Variants in ZHX2 observed in about 807,000 individuals in gnomAD.
The protein encoded by ZHX2 is zinc fingers and homeoboxes 2, also known as zinc fingers and homeoboxes protein 2.
In ZHX2, 6 loss-of-function variants were observed where a neutral mutation model predicts 21.9. The observed-to-expected ratio is 0.27, with a 90% CI of 0.15 to 0.54. ZHX2 has a LOEUF of 0.54. Ranked by LOEUF, ZHX2 falls within the 20% of genes least tolerant of loss-of-function variation. The pLI, the probability that ZHX2 is intolerant of heterozygous loss-of-function variation, is 0.95. For missense variants in ZHX2, 908 were observed against 1,090.7 expected (o/e 0.83, Z 2.36); for synonymous variants, 434 against 437.1 (o/e 0.99, Z 0.09).
chr8:122,827,801 A>G (rs1586591236), intron 1 of ZHX2, among the ~76,000 whole-genome samples: 1 of 152,354 alleles, frequency 6.6e-6, no homozygotes, highest in East Asian at 1.9e-4. Context: ...ACCTAATATT[A>G]AATACAGAGA....
chr8:122,941,867 C>A (rs1812853044), intron 2 of ZHX2, among the ~76,000 whole-genome samples: 1 of 152,164 alleles, frequency 6.6e-6, no homozygotes, highest in Admixed American at 6.5e-5. Context: ...TGTAGTAACT[C>A]TGGACTGAGG....
rs145671490 is a variant in ZHX2, at chr8:122,819,273, T to C, written c.-283+37327T>C. 8.7e-4 allele frequency among the ~76,000 whole-genome samples: 132 copies of C among 152,290 alleles called. 1 individual carries two copies. Among genetic ancestry groups the C allele is most frequent in the African/African-American group, 3.1e-3 (130 of 41,554 alleles). On this transcript the variant is annotated intron_variant, in intron 1 of 3. Coordinates refer to ENST00000314393, the MANE Select transcript of ZHX2 (RefSeq NM_014943.5). ...CACCTTGAGCAGGCTGCCTGACCAC[T>C]CTGCACCTCTGTTTCCTCACCTACA...
At chr8:122,901,149 G>A (rs560722964) in intron 2 of ZHX2, among the ~76,000 whole-genome samples, 162 of 152,246 alleles carry the variant, frequency 1.1e-3, no homozygotes, top group African/African-American at 2.3e-3. Context: ...CGTGGTATTT[G>A]TCTAGAGCGC....
chr8:122,851,442 G>A (rs1818898032), intron 1 of ZHX2, among the ~76,000 whole-genome samples: 1 of 152,102 alleles, frequency 6.6e-6, no homozygotes, highest in Admixed American at 6.5e-5. Flanking sequence ...CCCCCTGCAG[G>A]AGGCCCTTCC....
rs1179321018 is a variant in ZHX2, at chr8:122,806,165, C to T, written c.-283+24219C>T. On this transcript the variant is annotated intron_variant, in intron 1 of 3. Coordinates refer to ENST00000314393, the MANE Select transcript of ZHX2 (RefSeq NM_014943.5). ...AAATCAAGGATGAATGAGTCACTTT[C>T]GATGGCATTAAAGTAAGGCCTGGGA... 2.0e-5 allele frequency among the ~76,000 whole-genome samples: 3 copies of T among 152,152 alleles called. No homozygotes were observed. The East Asian group carries it at 5.8e-4, about 29-fold the overall frequency.
intron 1 of ZHX2, among the ~76,000 whole-genome samples, chr8:122,817,696 A>G (rs1049716502): frequency 2.0e-5 from 3 of 152,350 alleles, no homozygotes; most frequent in East Asian, 3.9e-4. Flanking sequence ...GCCAGAAGTG[A>G]ACTGTGTGGC....
chr8:122,919,625 C>T (rs1303279374), intron 2 of ZHX2, among the ~76,000 whole-genome samples: 2 of 152,148 alleles, frequency 1.3e-5, no homozygotes, highest in Non-Finnish European at 2.9e-5. Flanking sequence ...GCTGTATCTG[C>T]AAATGTATAA....
At chr8:122,924,068 A>T (rs1249043998) in intron 2 of ZHX2, among the ~76,000 whole-genome samples, 1 of 152,192 alleles carries the variant, frequency 6.6e-6, no homozygotes, top group Non-Finnish European at 1.5e-5. Context: ...GGAAAGAAAG[A>T]TTCCTGCTTT....
rs1817299659 is a variant in ZHX2, at chr8:122,782,115, G to T, written c.-283+169G>T. Among the ~76,000 whole-genome samples, 1 of 133,916 alleles carries T rather than the reference G, an allele frequency of 7.5e-6. No individual in the cohort carries two copies. The highest frequency in any genetic ancestry group is 1.7e-5 in the Non-Finnish European group (1 of 60,094). The allele number at this position is 133,916 out of a possible 152,430, so 87.9% of individuals were successfully genotyped here. ...CTTGGCCGGGTTTGTGATTGGAAGGGGGGTACGGAAGGGGGGGGGTGTGCA... is the reference window on the plus strand; with the variant it reads ...CTTGGCCGGGTTTGTGATTGGAAGGTGGGTACGGAAGGGGGGGGGTGTGCA... On this transcript the variant is annotated intron_variant, in intron 1 of 3. Transcript: ENST00000314393. This position sits in a 1 kb window ranked among gnomAD's most constrained non-coding sequence, Gnocchi z 5.3.
chr8:122,858,022 A>G (rs542328998), intron 1 of ZHX2, among the ~76,000 whole-genome samples: 18 of 152,158 alleles, frequency 1.2e-4, no homozygotes, highest in Admixed American at 2.0e-4. Flanking sequence ...AAGGTGAAAT[A>G]TTGCCTGGAA....
At chr8:122,938,658 G>A (rs528406187) in intron 2 of ZHX2, among the ~76,000 whole-genome samples, 13 of 151,970 alleles carry the variant, frequency 8.6e-5, no homozygotes, top group African/African-American at 2.7e-4. Context: ...GCAACATGGT[G>A]AAACACTGTC....
chr8:122,800,510 A>C (rs1414322920), intron 1 of ZHX2, among the ~76,000 whole-genome samples: 2 of 152,220 alleles, frequency 1.3e-5, no homozygotes, highest in African/African-American at 4.8e-5. Flanking sequence ...CCTTGTGCAG[A>C]GTAGGTGCTC....
intron 2 of ZHX2, among the ~76,000 whole-genome samples, chr8:122,867,929 T>TTCAGAGGC (rs1430651272): frequency 6.6e-6 from 1 of 152,208 alleles, no homozygotes; most frequent in Non-Finnish European, 1.5e-5. Flanking sequence ...CTGTTAGTTT[T>TTCAGAGGC]TCAGAGGCTC....
intron 1 of ZHX2, among the ~76,000 whole-genome samples, chr8:122,859,288 T>C (rs1317277387): frequency 6.6e-6 from 1 of 152,226 alleles, no homozygotes; most frequent in African/African-American, 2.4e-5. Flanking sequence ...GTCCCAGCTC[T>C]GAGAATAATT....
chr8:122,830,580 T>C (rs1279621318), intron 1 of ZHX2, among the ~76,000 whole-genome samples: 1 of 152,174 alleles, frequency 6.6e-6, no homozygotes, highest in Non-Finnish European at 1.5e-5. Flanking sequence ...GGGTTGGTAT[T>C]CACCATGTCG....
At chr8:122,814,746 G>A (rs1280684632) in intron 1 of ZHX2, among the ~76,000 whole-genome samples, 1 of 152,208 alleles carries the variant, frequency 6.6e-6, no homozygotes, top group Non-Finnish European at 1.5e-5. Context: ...CAATTCTCCT[G>A]ACACAGCTAT....
At chr8:122,826,643 G>A (rs1167359414) in intron 1 of ZHX2, among the ~76,000 whole-genome samples, 1 of 152,216 alleles carries the variant, frequency 6.6e-6, no homozygotes, top group Non-Finnish European at 1.5e-5. Context: ...GTGCTAGGGA[G>A]TGTGCTTGTT....
At chr8:122,822,913 T>C (rs999185018) in intron 1 of ZHX2, among the ~76,000 whole-genome samples, 1 of 152,168 alleles carries the variant, frequency 6.6e-6, no homozygotes, top group African/African-American at 2.4e-5. Flanking sequence ...CTTGCTGCAA[T>C]AGGACTTGAA....
At chr8:122,860,621 A>G (rs1819141580) in intron 1 of ZHX2, among the ~76,000 whole-genome samples, 2 of 152,212 alleles carry the variant, frequency 1.3e-5, no homozygotes, top group Non-Finnish European at 2.9e-5. Flanking sequence ...TTACAAACCA[A>G]AAGGGGAACT....
Sources: allele counts gnomAD v4.1 joint callset (sites outside exome capture counted in the v4.1 genomes callset), GRCh38; gene constraint gnomAD v4.1.1; non-coding constraint Gnocchi (gnomAD v3.1); transcripts MANE v1.5; gene names NCBI Gene and HGNC (gene_info 2026-07-23, HGNC 2026-07-21).